AUTS2: variants seen among roughly 807,000 people sequenced by gnomAD.
The protein encoded by AUTS2 is autism susceptibility gene 2 protein.
A neutral mutation model predicts 112.4 loss-of-function variants in AUTS2; 17 were observed. The ratio of observed to expected loss-of-function variants is 0.15; its 90% CI spans 0.10 to 0.23. The LOEUF is 0.23. Ranked by LOEUF, AUTS2 falls within the 10% of genes least tolerant of loss-of-function variation. The pLI is 1.00. For missense variants in AUTS2, 1,510 were observed against 1,701.6 expected, an observed-to-expected ratio of 0.89 and a Z score of 1.98; for synonymous variants, 751 against 702.7, an observed-to-expected ratio of 1.07 and a Z score of -1.09.
At chr7:69,786,588 C>T (rs1472147834) in intron 1 of AUTS2, among the ~76,000 whole-genome samples, 2 of 152,184 alleles carry the variant, frequency 1.3e-5, no homozygotes, top group Non-Finnish European at 2.9e-5. Context: ...TGGGTCCGTG[C>T]CACCTTTAAG....
intron 1 of AUTS2, among the ~76,000 whole-genome samples, chr7:69,892,206 T>C (rs1357601741): frequency 1.3e-5 from 2 of 150,098 alleles, no homozygotes; most frequent in African/African-American, 4.9e-5. Context: ...GGAATCTTGC[T>C]CTGTCGCCCA....
intron 4 of AUTS2, among the ~76,000 whole-genome samples, chr7:70,425,871 C>T (rs900130422): frequency 6.6e-6 from 1 of 152,214 alleles, no homozygotes; most frequent in Non-Finnish European, 1.5e-5. Flanking sequence ...TGGTTTCTAA[C>T]ATCTATTGAT....
At chr7:70,135,262 T>C (rs2129574922) in intron 4 of AUTS2, among the ~76,000 whole-genome samples, 1 of 152,224 alleles carries the variant, frequency 6.6e-6, no homozygotes, top group South Asian at 2.1e-4. Flanking sequence ...AGTGAAATTC[T>C]CCTTTCTGGA....
At chr7:70,779,545 G>A (rs538823242) in intron 14 of AUTS2, among the ~76,000 whole-genome samples, 3 of 152,310 alleles carry the variant, frequency 2.0e-5, no homozygotes, top group South Asian at 2.1e-4. Context: ...TGAGTGGGAC[G>A]TTGCCGTCAG....
chr7:70,290,669 T>C, intron 4 of AUTS2: 1 of 1,348,624 alleles, frequency 7.4e-7, no homozygotes, highest in Non-Finnish European at 9.4e-7. Flanking sequence ...CTTTTCTCCA[T>C]TCCTCATCCC....
chr7:70,433,684 G>T (rs922566373), intron 4 of AUTS2, among the ~76,000 whole-genome samples: 1 of 152,172 alleles, frequency 6.6e-6, no homozygotes, highest in Non-Finnish European at 1.5e-5. Context: ...TGGTTAAATC[G>T]CTGTCACTGA....
chr7:70,771,865 T>C (rs752307698), intron 11 of AUTS2, among the ~76,000 whole-genome samples: 6 of 152,236 alleles, frequency 3.9e-5, no homozygotes, highest in Admixed American at 1.3e-4. Context: ...ACCCAGATAA[T>C]CTCAGTTAAG....
chr7:69,951,668 G>A (rs189943239), intron 2 of AUTS2, among the ~76,000 whole-genome samples: 2 of 152,272 alleles, frequency 1.3e-5, no homozygotes, highest in Admixed American at 1.3e-4. Flanking sequence ...CATCAGAAGA[G>A]GCGATTCCAG....
At position 69,806,199 on chromosome 7, in the gene AUTS2, T is replaced by A. The variant is rs978563322; in HGVS notation, c.310-93087T>A. 1.0e-3 allele frequency among the ~76,000 whole-genome samples: 86 copies of A among 85,264 alleles called. 2 individuals carry two copies. The highest frequency in any genetic ancestry group is 4.6e-3 in the African/African-American group (79 of 17,140). 55.9% of individuals were successfully genotyped at this position (85,264 alleles called of 152,430 possible). ...GGAGCCACCATGCCCAGCCAAGGCT[T>A]TTTTTTTTTTTTTTTTTTTTTTTTT... On this transcript the variant is annotated intron_variant, in intron 1 of 18. Coordinates refer to ENST00000342771, the MANE Select transcript of AUTS2 (RefSeq NM_015570.4).
intron 5 of AUTS2, among the ~76,000 whole-genome samples, chr7:70,465,962 G>A (rs143874694): frequency 9.9e-4 from 150 of 152,248 alleles, no homozygotes; most frequent in African/African-American, 3.3e-3. Context: ...GGAAAGTCTC[G>A]GGCAGAAGGT....
chr7:70,089,984 G>C (rs1381256529), intron 2 of AUTS2, among the ~76,000 whole-genome samples: 1 of 150,150 alleles, frequency 6.7e-6, no homozygotes, highest in East Asian at 2.0e-4. Context: ...TCCAAGCTGG[G>C]AAAGACAGAG....
chr7:69,749,683 C>T (rs1182456611), intron 1 of AUTS2, among the ~76,000 whole-genome samples: 1 of 152,228 alleles, frequency 6.6e-6, no homozygotes, highest in Admixed American at 6.5e-5. Flanking sequence ...AAAACCGCTC[C>T]TGCACTGCTT....
At chr7:70,361,715 T>C (rs1792276574) in intron 4 of AUTS2, among the ~76,000 whole-genome samples, 1 of 152,152 alleles carries the variant, frequency 6.6e-6, no homozygotes, top group Non-Finnish European at 1.5e-5. Flanking sequence ...GATGTTGAAT[T>C]GAGCCAATTC....
chr7:69,716,234 GTGTGTGTGTC>G (rs1468134214), intron 1 of AUTS2, among the ~76,000 whole-genome samples: 6 of 151,838 alleles, frequency 4.0e-5, no homozygotes, highest in East Asian at 1.9e-4. Flanking sequence ...GTGTGTTTGT[GTGTGTGTGTC>G]TGTGTGTGTG....
intron 2 of AUTS2, among the ~76,000 whole-genome samples, chr7:69,989,101 T>C (rs1348663760): frequency 1.3e-5 from 2 of 152,218 alleles, no homozygotes; most frequent in East Asian, 3.9e-4. Flanking sequence ...TCAAACTTGT[T>C]CATGGTCCTG....
chr7:70,569,051 A>G (rs1320019264), intron 5 of AUTS2, among the ~76,000 whole-genome samples: 1 of 152,204 alleles, frequency 6.6e-6, no homozygotes, highest in Non-Finnish European at 1.5e-5. Flanking sequence ...CATGGTCTAT[A>G]GATAACTCAC....
intron 5 of AUTS2, among the ~76,000 whole-genome samples, chr7:70,646,923 C>T (rs573577480): frequency 6.6e-6 from 1 of 152,344 alleles, no homozygotes; most frequent in South Asian, 2.1e-4. Flanking sequence ...TGCTGTTCTG[C>T]TCTGGCCTTG....
chr7:70,059,933 A>G (rs929323762), intron 2 of AUTS2, among the ~76,000 whole-genome samples: 14 of 152,336 alleles, frequency 9.2e-5, no homozygotes, highest in African/African-American at 3.1e-4. Context: ...ACAAGTTGAC[A>G]TTTATTAAAC....
At chr7:70,297,798 A>G (rs1453082198) in intron 4 of AUTS2, among the ~76,000 whole-genome samples, 1 of 152,098 alleles carries the variant, frequency 6.6e-6, no homozygotes, top group Non-Finnish European at 1.5e-5. Context: ...ACTGTACATA[A>G]TCTTAGACAT....
Sources: gnomAD v4.1 joint callset for allele counts (sites outside exome capture counted in the v4.1 genomes callset) on GRCh38, gnomAD v4.1.1 for gene constraint, MANE v1.5 for transcripts, NCBI Gene and HGNC (gene_info 2026-07-23, HGNC 2026-07-21) for gene names.